Variants in KCNMB2 observed in about 807,000 individuals in gnomAD.
KCNMB2 encodes the protein calcium-activated potassium channel subunit beta-2.
Under a neutral mutation model 24.5 loss-of-function variants are expected in KCNMB2, and 9 were observed. That is an observed-to-expected ratio of 0.37 (90% confidence interval 0.22 to 0.64). The LOEUF (loss-of-function observed/expected upper bound fraction) is 0.64, where lower values mean the gene tolerates loss of function less well. KCNMB2 is among the 30% of genes least tolerant of loss of function. KCNMB2 has a pLI of 0.63. For synonymous variants in KCNMB2, 109 were observed against 104.4 expected, an observed-to-expected ratio of 1.04 and a Z score of -0.27; for missense variants, 226 against 284.3, an observed-to-expected ratio of 0.79 and a Z score of 1.47.
At chr3:178,677,062 A>T (rs1317194939) in intron 1 of KCNMB2, among the ~76,000 whole-genome samples, 1 of 152,122 alleles carries the variant, frequency 6.6e-6, no homozygotes, top group Non-Finnish European at 1.5e-5. Context: ...AGCGAAAGAG[A>T]GAATGACTCC....
At chr3:178,548,690 T>G (rs1403014678) in intron 1 of KCNMB2, among the ~76,000 whole-genome samples, 1 of 152,228 alleles carries the variant, frequency 6.6e-6, no homozygotes, top group Non-Finnish European at 1.5e-5. Context: ...TTTTTCCTCT[T>G]CCTTTTCTAT....
At position 178,614,263 on chromosome 3, in the gene KCNMB2, A is replaced by ATG. The variant is rs1251198948; in HGVS notation, c.-68+77553_-68+77554insGT. ...GGGCTAATTTTATATATATATATAT[A>ATG]TATATATATATATATATATATATAT... is the stretch of plus-strand genomic sequence containing the variant. On this transcript the variant is annotated intron_variant, in intron 1 of 4. Coordinates refer to ENST00000452583, the MANE Select transcript of KCNMB2 (RefSeq NM_181361.3). Among the ~76,000 whole-genome samples, 544 of 68,464 alleles carry ATG rather than the reference A, an allele frequency of 7.9e-3. 27 individuals are homozygous for ATG. Among genetic ancestry groups the ATG allele is most frequent in the African/African-American group, 0.034 (523 of 15,412 alleles). 44.9% of individuals were successfully genotyped at this position (68,464 alleles called of 152,430 possible).
intron 1 of KCNMB2, among the ~76,000 whole-genome samples, chr3:178,778,161 G>A (rs1421820603): frequency 6.6e-6 from 1 of 152,142 alleles, no homozygotes; most frequent in Non-Finnish European, 1.5e-5. Flanking sequence ...TTTGAGAGGA[G>A]TTTTATTTTG....
chr3:178,658,874 T>C (rs541860520), intron 1 of KCNMB2, among the ~76,000 whole-genome samples: 68 of 152,308 alleles, frequency 4.5e-4, no homozygotes, highest in African/African-American at 1.5e-3. Flanking sequence ...ATTAGGATAA[T>C]CTCATTAAGT....
chr3:178,602,819 G>A lies in KCNMB2; in HGVS notation c.-68+66108G>A, dbSNP rs544609261. Among the ~76,000 whole-genome samples the A allele has an allele frequency of 1.5e-4, 23 of 152,298 alleles. 1 individual carries two copies. Among genetic ancestry groups the A allele is most frequent in the African/African-American group, 5.5e-4 (23 of 41,578 alleles). The stretch of plus-strand genomic sequence containing the variant: ...GGACAGACAGCTGAGCCTACCCCCA[G>A]CGTTTCTGATGTTATAGTGCTGGTG... On this transcript the variant is annotated intron_variant, in intron 1 of 4. Coordinates refer to ENST00000452583, the MANE Select transcript of KCNMB2 (RefSeq NM_181361.3).
At chr3:178,667,602 G>A (rs1208932799) in intron 1 of KCNMB2, among the ~76,000 whole-genome samples, 2 of 152,032 alleles carry the variant, frequency 1.3e-5, no homozygotes. Flanking sequence ...CACCATATGA[G>A]GACACAGTGA....
intron 1 of KCNMB2, among the ~76,000 whole-genome samples, chr3:178,590,086 G>A (rs1296573061): frequency 6.6e-6 from 1 of 152,134 alleles, no homozygotes; most frequent in Non-Finnish European, 1.5e-5. Flanking sequence ...GGTTTGGTAT[G>A]AGACTAAAAT....
intron 1 of KCNMB2, among the ~76,000 whole-genome samples, chr3:178,608,410 ATAG>A (rs1203756693): frequency 1.3e-5 from 2 of 152,132 alleles, no homozygotes; most frequent in Non-Finnish European, 2.9e-5. Flanking sequence ...TTGTGGGTAC[ATAG>A]TAGGTGCATA....
chr3:178,613,470 T>C (rs1718568676), intron 1 of KCNMB2, among the ~76,000 whole-genome samples: 1 of 152,244 alleles, frequency 6.6e-6, no homozygotes, highest in African/African-American at 2.4e-5. Context: ...TTAATATCCT[T>C]TTATTTCTGA....
At chr3:178,582,800 C>T (rs1216929326) in intron 1 of KCNMB2, among the ~76,000 whole-genome samples, 2 of 152,022 alleles carry the variant, frequency 1.3e-5, no homozygotes, top group Non-Finnish European at 2.9e-5. Context: ...TGTTTATATG[C>T]CCATTTATAT....
At chr3:178,614,478 C>T (rs1022995403) in intron 1 of KCNMB2, among the ~76,000 whole-genome samples, 1 of 150,714 alleles carries the variant, frequency 6.6e-6, no homozygotes, top group Admixed American at 6.6e-5. Flanking sequence ...GGAAACTCCC[C>T]TTTATAAAAC....
At chr3:178,739,394 G>C (rs1205463267) in intron 1 of KCNMB2, among the ~76,000 whole-genome samples, 1 of 152,200 alleles carries the variant, frequency 6.6e-6, no homozygotes, top group Non-Finnish European at 1.5e-5. Flanking sequence ...TGCTGTTTGA[G>C]TGTTTCAAAG....
intron 1 of KCNMB2, among the ~76,000 whole-genome samples, chr3:178,564,487 G>T (rs889306435): frequency 6.6e-6 from 1 of 152,148 alleles, no homozygotes; most frequent in Non-Finnish European, 1.5e-5. Flanking sequence ...TCTAACAATT[G>T]CATGTTGTTG....
chr3:178,827,122 A>T lies in KCNMB2; in HGVS notation c.228-1056A>T, dbSNP rs181657689. ...ACAAAAGGAAAGCGTATTAATCTGC[A>T]AAGAAAACATGTTTTCCCATTGCTA... On this transcript the variant is annotated intron_variant, in intron 3 of 4. Transcript: ENST00000452583. 8.3e-3 allele frequency among the ~76,000 whole-genome samples: 1,267 copies of T among 152,344 alleles called. 8 individuals are homozygous for T. Among genetic ancestry groups the T allele is most frequent in the Non-Finnish European group, 0.012 (800 of 68,030 alleles).
chr3:178,560,818 G>A (rs1248305079), intron 1 of KCNMB2, among the ~76,000 whole-genome samples: 1 of 152,218 alleles, frequency 6.6e-6, no homozygotes, highest in African/African-American at 2.4e-5. Flanking sequence ...GTCCCCAGAT[G>A]TGGACACTAA....
intron 1 of KCNMB2, among the ~76,000 whole-genome samples, chr3:178,726,820 GT>G (rs1445216091): frequency 6.6e-6 from 1 of 152,084 alleles, no homozygotes; most frequent in Non-Finnish European, 1.5e-5. Context: ...TTGAGCCAAT[GT>G]AGCTCAAGAT....
intron 1 of KCNMB2, among the ~76,000 whole-genome samples, chr3:178,691,997 T>C (rs946813660): frequency 6.6e-6 from 1 of 152,236 alleles, no homozygotes. Flanking sequence ...ATTTCTCTAA[T>C]GGTCAATGAT....
At chr3:178,819,319 G>C (rs1714532835) in intron 2 of KCNMB2, among the ~76,000 whole-genome samples, 1 of 152,102 alleles carries the variant, frequency 6.6e-6, no homozygotes, top group Non-Finnish European at 1.5e-5. Flanking sequence ...ACCCTACACA[G>C]TTCTATAATA....
chr3:178,746,113 T>G (rs944695674), intron 1 of KCNMB2, among the ~76,000 whole-genome samples: 3 of 152,214 alleles, frequency 2.0e-5, no homozygotes, highest in Admixed American at 6.5e-5. Context: ...CCCTTCTGCA[T>G]TGCCCTAGCA....
Sources: allele counts gnomAD v4.1 joint callset (sites outside exome capture counted in the v4.1 genomes callset), GRCh38; gene constraint gnomAD v4.1.1; transcripts MANE v1.5; gene names NCBI Gene and HGNC (gene_info 2026-07-23, HGNC 2026-07-21).